METTL15: variants seen among roughly 807,000 people sequenced by gnomAD.
METTL15 encodes the protein 12S rRNA N(4)-cytidine methyltransferase METTL15.
A neutral mutation model predicts 38.3 loss-of-function variants in METTL15; 34 were observed. The ratio of observed to expected loss-of-function variants is 0.89; its 90% CI spans 0.68 to 1.18. The LOEUF is 1.18. Ranked by LOEUF, METTL15 falls within the 50% of genes most tolerant of loss-of-function variation. The probability of loss-of-function intolerance (pLI) is 0.00; values close to 1 mark genes in which losing one functional copy is unlikely to be tolerated. For missense variants in METTL15, 438 were observed against 498.4 expected (o/e 0.88, Z 1.15); for synonymous variants, 162 against 170.9 (o/e 0.95, Z 0.41).
At chr11:28,396,004 TG>T (rs1850564233) in intron 5 of METTL15, among the ~76,000 whole-genome samples, 1 of 152,194 alleles carries the variant, frequency 6.6e-6, no homozygotes, top group Non-Finnish European at 1.5e-5. Flanking sequence ...ACCACATGGT[TG>T]TCTCAATAGA....
At chr11:28,226,539 C>A (rs1370956453) in intron 4 of METTL15, among the ~76,000 whole-genome samples, 1 of 151,834 alleles carries the variant, frequency 6.6e-6, no homozygotes, top group South Asian at 2.1e-4. Context: ...TGAAGTTTAT[C>A]ATTTTCCTTC....
At chr11:28,255,041 G>T (rs1854915364) in intron 4 of METTL15, among the ~76,000 whole-genome samples, 1 of 152,070 alleles carries the variant, frequency 6.6e-6, no homozygotes, top group Non-Finnish European at 1.5e-5. Context: ...CATCGAATCT[G>T]TAGATCGCTT....
intron 5 of METTL15, among the ~76,000 whole-genome samples, chr11:28,370,812 A>C (rs754354364): frequency 6.6e-6 from 1 of 151,956 alleles, no homozygotes; most frequent in Non-Finnish European, 1.5e-5. Context: ...AGTGATGCTG[A>C]ACATTTTTAT....
At chr11:28,527,188 T>A (rs1387459731), downstream of METTL15, 2 of 152,234 alleles carry the variant, frequency 1.3e-5, no homozygotes, top group Non-Finnish European at 2.9e-5. Context: ...TTTATTTTAC[T>A]ACCTTAGTTG....
chr11:28,309,270 C>T (rs997612143), intron 6 of METTL15, among the ~76,000 whole-genome samples: 2 of 152,138 alleles, frequency 1.3e-5, no homozygotes, highest in African/African-American at 4.8e-5. Flanking sequence ...GCTTTTGACT[C>T]GTCACAAATC....
intron 4 of METTL15, among the ~76,000 whole-genome samples, chr11:28,359,404 G>T (rs1469668871): frequency 2.0e-5 from 3 of 152,036 alleles, no homozygotes; most frequent in Non-Finnish European, 4.4e-5. Flanking sequence ...GTATTTTTTT[G>T]GTAGAACATT....
intron 4 of METTL15, among the ~76,000 whole-genome samples, chr11:28,269,287 C>A (rs1279092722): frequency 6.6e-6 from 1 of 151,974 alleles, no homozygotes; most frequent in African/African-American, 2.4e-5. Flanking sequence ...AGATTTCTCT[C>A]CCTCTTAGAA....
chr11:28,274,867 AT>A (rs112952775), intron 4 of METTL15, among the ~76,000 whole-genome samples: 21,963 of 151,870 alleles, frequency 0.14, 1,778 homozygotes, highest in East Asian at 0.28. Context: ...GCACACCAAC[AT>A]GACACATGTA....
intron 4 of METTL15, among the ~76,000 whole-genome samples, chr11:28,268,054 G>T (rs1031820904): frequency 6.6e-6 from 1 of 151,188 alleles, no homozygotes; most frequent in East Asian, 1.9e-4. Flanking sequence ...AAAATTAGCC[G>T]GGCATAGTGG....
intron 6 of METTL15, among the ~76,000 whole-genome samples, chr11:28,314,118 A>G (rs1337524305): frequency 2.6e-5 from 4 of 152,232 alleles, no homozygotes; most frequent in African/African-American, 7.2e-5. Flanking sequence ...TTGCTATTGG[A>G]CATCAGAGAA....
At chr11:28,325,819 C>T (rs951416542) in intron 6 of METTL15, among the ~76,000 whole-genome samples, 2 of 151,966 alleles carry the variant, frequency 1.3e-5, no homozygotes, top group Non-Finnish European at 2.9e-5. Context: ...AGAGTGAACG[C>T]GAAATAGTTC....
intron 5 of METTL15, among the ~76,000 whole-genome samples, chr11:28,366,869 A>G (rs1325332515): frequency 1.3e-5 from 2 of 152,166 alleles, no homozygotes; most frequent in South Asian, 2.1e-4. Context: ...ATATAGTCCA[A>G]AAGGTCTTTA....
chr11:28,257,667 A>G (rs1037468337), intron 4 of METTL15, among the ~76,000 whole-genome samples: 3 of 152,078 alleles, frequency 2.0e-5, no homozygotes, highest in African/African-American at 7.2e-5. Context: ...CCATTCTGCT[A>G]TTAACAGATT....
intron 4 of METTL15, 41 bp downstream of exon 4, chr11:28,211,239 A>T: frequency 6.4e-7 from 1 of 1,571,350 alleles, no homozygotes; most frequent in Non-Finnish European, 8.6e-7. Context: ...TTTGGTTCTT[A>T]GTTTTACAGA....
intron 5 of METTL15, among the ~76,000 whole-genome samples, chr11:28,372,873 G>T (rs1360307518): frequency 4.2e-5 from 6 of 143,100 alleles, no homozygotes; most frequent in Non-Finnish European, 6.1e-5. Context: ...TGCGGTGTTT[G>T]GTTTTTTGTT....
At chr11:28,471,664 C>T (rs996137519) in intron 6 of METTL15, among the ~76,000 whole-genome samples, 1 of 152,106 alleles carries the variant, frequency 6.6e-6, no homozygotes, top group Middle Eastern at 3.4e-3. Context: ...ACATTCTGAA[C>T]CAAGGTCTAG....
intron 3 of METTL15, among the ~76,000 whole-genome samples, chr11:28,204,755 A>G (rs1350357546): frequency 1.3e-5 from 2 of 151,958 alleles, no homozygotes; most frequent in Non-Finnish European, 2.9e-5. Flanking sequence ...GGTAATCTTT[A>G]TAAATCTCTG....
chr11:28,330,561 G>A lies in METTL15; in HGVS notation c.944G>A (p.Arg315His), dbSNP rs371016812. Residue 315 changes from arginine to histidine, a missense_variant, in exon 7 of 7, where the codon CGT becomes CAT. Transcript: ENST00000407364. ...TAQKFLRPGG[R>H]LVALSFHSLE... ...CAGAAGTTTCTGAGACCTGGTGGTC[G>A]TCTTGTTGCCCTCTCCTTCCATTCA... 2.0e-4 allele frequency: 312 copies of A among 1,551,606 alleles called. 1 individual carries two copies. Among genetic ancestry groups the A allele is most frequent in the African/African-American group, 1.0e-3 (76 of 73,142 alleles).
chr11:28,508,484 C>T (rs1590398578), intron 6 of METTL15, among the ~76,000 whole-genome samples: 2 of 152,190 alleles, frequency 1.3e-5, no homozygotes, highest in East Asian at 3.8e-4. Flanking sequence ...ACCTACTTAT[C>T]CATCCACCCA....
Sources: allele counts gnomAD v4.1 joint callset (sites outside exome capture counted in the v4.1 genomes callset), GRCh38; gene constraint gnomAD v4.1.1; transcripts MANE v1.5; gene names NCBI Gene and HGNC (gene_info 2026-07-23, HGNC 2026-07-21).